HS3ST5: variants seen among roughly 807,000 people sequenced by gnomAD.
HS3ST5 encodes heparan sulfate-glucosamine 3-sulfotransferase 5.
A neutral mutation model predicts 25.4 loss-of-function variants in HS3ST5; 10 were observed. The observed-to-expected ratio is 0.39, with a 90% CI of 0.24 to 0.67. The LOEUF is 0.67. Ranked by LOEUF, HS3ST5 falls within the 30% of genes least tolerant of loss-of-function variation. The pLI, the probability that HS3ST5 is intolerant of heterozygous loss-of-function variation, is 0.44. For missense variants in HS3ST5, 324 were observed against 420.7 expected, an observed-to-expected ratio of 0.77 and a Z score of 2.01; for synonymous variants, 170 against 162.4, an observed-to-expected ratio of 1.05 and a Z score of -0.36.
At chr6:114,219,814 G>A (rs1781946004) in intron 2 of HS3ST5, among the ~76,000 whole-genome samples, 1 of 152,072 alleles carries the variant, frequency 6.6e-6, no homozygotes, top group Admixed American at 6.5e-5. Context: ...ATGTGTACTG[G>A]AACAGGTAGA....
intron 3 of HS3ST5, among the ~76,000 whole-genome samples, chr6:114,163,773 G>A (rs62415771): frequency 0.063 from 9,509 of 152,118 alleles, 334 homozygotes; most frequent in Non-Finnish European, 0.075. Context: ...ATTAATTAAT[G>A]TATCTGTCGA....
At chr6:114,320,744 G>C (rs988405038) in intron 1 of HS3ST5, among the ~76,000 whole-genome samples, 3 of 151,896 alleles carry the variant, frequency 2.0e-5, no homozygotes, top group Non-Finnish European at 2.9e-5. Flanking sequence ...ATGTGTAGGG[G>C]AGTTATTAAT....
Position 114,056,310 on chromosome 6 carries a change from C to G in HS3ST5, c.*947G>C, listed in dbSNP as rs1241384475. The G allele has an allele frequency of 6.6e-6, 1 of 152,032 alleles. No homozygotes were observed. The highest frequency in any genetic ancestry group is 2.4e-5 in the African/African-American group (1 of 41,380). 9.4% of individuals were successfully genotyped at this position (152,032 alleles called of 1,614,324 possible). A position where few individuals can be genotyped will look rare whatever the true frequency, so the allele number is the denominator to read the frequency against. The stretch of plus-strand genomic sequence containing the variant: ...TTTTCTTTTTTAATATACTCAACCT[C>G]ACTTCATAAATACATTTTCACTGGG... On this transcript the variant is annotated 3_prime_UTR_variant, in exon 5 of 5. Transcript: ENST00000312719.
intron 3 of HS3ST5, among the ~76,000 whole-genome samples, chr6:114,066,133 T>G (rs749904174): frequency 1.3e-5 from 2 of 152,222 alleles, no homozygotes; most frequent in Admixed American, 6.5e-5. Flanking sequence ...GTTAGCTGCT[T>G]CTTTGGTGTG....
At chr6:114,257,242 G>A (rs1345485000) in intron 1 of HS3ST5, among the ~76,000 whole-genome samples, 1 of 152,206 alleles carries the variant, frequency 6.6e-6, no homozygotes, top group Non-Finnish European at 1.5e-5. Context: ...TAAGGAAAGA[G>A]GGGATGCAGG....
intron 3 of HS3ST5, among the ~76,000 whole-genome samples, chr6:114,133,524 A>G (rs1777449940): frequency 6.6e-6 from 1 of 152,318 alleles, no homozygotes; most frequent in Admixed American, 6.5e-5. Context: ...AATGATGCCA[A>G]TGGTATAAAT....
chr6:114,096,034 AAG>A (rs1775405644), intron 3 of HS3ST5, among the ~76,000 whole-genome samples: 1 of 152,138 alleles, frequency 6.6e-6, no homozygotes, highest in African/African-American at 2.4e-5. Context: ...CAGCATTTGT[AAG>A]ACTACCTTCA....
intron 1 of HS3ST5, among the ~76,000 whole-genome samples, chr6:114,336,914 A>G (rs1776634247): frequency 6.6e-6 from 1 of 152,218 alleles, no homozygotes; most frequent in Non-Finnish European, 1.5e-5. Flanking sequence ...AATATTTATG[A>G]TAGAACAGTT....
chr6:114,153,478 T>C (rs1234098146), intron 3 of HS3ST5, among the ~76,000 whole-genome samples: 2 of 152,222 alleles, frequency 1.3e-5, no homozygotes, highest in Non-Finnish European at 2.9e-5. Context: ...CCTCTCTCCA[T>C]GGCAATATTT....
chr6:114,196,581 T>A (rs1780769141), intron 2 of HS3ST5, among the ~76,000 whole-genome samples: 1 of 151,304 alleles, frequency 6.6e-6, no homozygotes. Flanking sequence ...CCTCGTGAAG[T>A]CTCCTTCATT....
chr6:114,099,971 G>A (rs190115732), intron 3 of HS3ST5, among the ~76,000 whole-genome samples: 159 of 152,286 alleles, frequency 1.0e-3, no homozygotes, highest in Non-Finnish European at 1.7e-3. Context: ...GGAAAAAAAT[G>A]TGGCTAGTTT....
At chr6:114,126,047 G>A (rs1312304649) in intron 3 of HS3ST5, among the ~76,000 whole-genome samples, 9 of 152,140 alleles carry the variant, frequency 5.9e-5, no homozygotes, top group African/African-American at 1.7e-4. Context: ...AAAGAGCAGC[G>A]TGAATCTTAT....
intron 1 of HS3ST5, among the ~76,000 whole-genome samples, chr6:114,268,504 A>C (rs1773506084): frequency 6.6e-6 from 1 of 152,210 alleles, no homozygotes; most frequent in Admixed American, 6.5e-5. Context: ...CTAACACAGC[A>C]ACAAGAAGAG....
chr6:114,206,071 T>C (rs1781266288), intron 2 of HS3ST5, among the ~76,000 whole-genome samples: 1 of 152,232 alleles, frequency 6.6e-6, no homozygotes, highest in Non-Finnish European at 1.5e-5. Context: ...TCCTGCTCCC[T>C]CTTCACTCTT....
chr6:114,070,977 G>A (rs955115771), intron 3 of HS3ST5, among the ~76,000 whole-genome samples: 1 of 152,128 alleles, frequency 6.6e-6, no homozygotes, highest in African/African-American at 2.4e-5. Context: ...TTTCCCAGTG[G>A]AAACTGGATC....
intron 1 of HS3ST5, among the ~76,000 whole-genome samples, chr6:114,237,108 A>G (rs1309027831): frequency 6.6e-6 from 1 of 152,218 alleles, no homozygotes; most frequent in African/African-American, 2.4e-5. Flanking sequence ...GAAACTCTTT[A>G]CAACAATCAA....
chr6:114,222,042 T>A (rs1348440993), intron 2 of HS3ST5, among the ~76,000 whole-genome samples: 1 of 151,890 alleles, frequency 6.6e-6, no homozygotes, highest in Non-Finnish European at 1.5e-5. Context: ...GCAACACTCA[T>A]TTAATAAAGA....
rs972927514 is a variant in HS3ST5 at position 114,321,613 on chromosome 6, A to T, written c.-339+20582T>A. Among the ~76,000 whole-genome samples, 3 of 152,206 alleles carry T rather than the reference A, an allele frequency of 2.0e-5. No homozygotes were observed. In the East Asian group the frequency reaches 5.8e-4, roughly 29 times the overall value. ...AAAGATCTTTTAAAATACATGTAGC[A>T]CAACACAATAATAAATGAAGGTTTT... On this transcript the variant is annotated intron_variant, in intron 1 of 4. Coordinates refer to ENST00000312719, the MANE Select transcript of HS3ST5 (RefSeq NM_153612.4).
chr6:114,245,948 G>A (rs1395016713), intron 1 of HS3ST5, among the ~76,000 whole-genome samples: 3 of 152,174 alleles, frequency 2.0e-5, no homozygotes, highest in Non-Finnish European at 4.4e-5. Context: ...CGTGGAAAGG[G>A]TTCAGGCAAG....
Sources: gnomAD v4.1 joint callset for allele counts (sites outside exome capture counted in the v4.1 genomes callset) on GRCh38, gnomAD v4.1.1 for gene constraint, MANE v1.5 for transcripts, NCBI Gene and HGNC (gene_info 2026-07-23, HGNC 2026-07-21) for gene names.